Variants in GPM6B observed in about 807,000 individuals in gnomAD.
GPM6B encodes the protein glycoprotein M6B, also known as neuronal membrane glycoprotein M6-b.
A neutral mutation model predicts 27.2 loss-of-function variants in GPM6B; 4 were observed. The ratio of observed to expected loss-of-function variants is 0.15; its 90% CI spans 0.07 to 0.34. The LOEUF (loss-of-function observed/expected upper bound fraction) is 0.34. Ranked by LOEUF, GPM6B falls within the 10% of genes least tolerant of loss-of-function variation. The pLI, the probability that GPM6B is intolerant of heterozygous loss-of-function variation, is 1.00. For missense variants in GPM6B, 183 were observed against 261.9 expected (o/e 0.70, Z 2.08); for synonymous variants, 124 against 103.1 (o/e 1.20, Z -1.23).
chrX:13,906,857 G>C (rs1305158290), intron 1 of GPM6B, among the ~76,000 whole-genome samples: 1 of 111,673 alleles, frequency 9.0e-6, no homozygotes, highest in Non-Finnish European at 1.9e-5. Context: ...AATCTCAACA[G>C]ATCCCTCTTT....
intron 1 of GPM6B, among the ~76,000 whole-genome samples, chrX:13,809,296 C>T (rs1050333277): frequency 8.9e-6 from 1 of 112,077 alleles, no homozygotes; most frequent in African/African-American, 3.3e-5. Flanking sequence ...CCTACTGTGA[C>T]CTCTGCATGT....
rs1445082828 is a variant in GPM6B, at chrX:13,783,179, A to C, written c.525+186T>G. 7.1e-5 allele frequency among the ~76,000 whole-genome samples: 8 copies of C among 112,535 alleles called. No individual in the cohort carries two copies. In the East Asian group the frequency reaches 2.2e-3, roughly 31 times the overall value. On this transcript the variant is annotated intron_variant, in intron 4 of 7. Coordinates refer to ENST00000316715, the MANE Select transcript of GPM6B (RefSeq NM_001001995.3). ...TTTATTTCTGCCAGCCATAGACTTT[A>C]GTTTACTATCAATAGCATGTTGAAG...
At chrX:13,794,279 G>C (rs781713959) in intron 2 of GPM6B, among the ~76,000 whole-genome samples, 3 of 110,400 alleles carry the variant, frequency 2.7e-5, no homozygotes, top group African/African-American at 9.9e-5. Context: ...CTGCCTCCTG[G>C]GCTCAAGCCA....
chrX:13,846,911 C>T (rs192782305), intron 1 of GPM6B, among the ~76,000 whole-genome samples: 5 of 106,927 alleles, frequency 4.7e-5, no homozygotes, highest in African/African-American at 1.4e-4. Flanking sequence ...GGAATCACTT[C>T]TTGGCCTCGT....
At chrX:13,883,784 G>A (rs185958395) in intron 1 of GPM6B, among the ~76,000 whole-genome samples, 3 of 110,963 alleles carry the variant, frequency 2.7e-5, no homozygotes, top group African/African-American at 3.3e-5. Flanking sequence ...GGAGTCTGAG[G>A]CTGCAGTGAG....
intron 2 of GPM6B, among the ~76,000 whole-genome samples, chrX:13,796,797 T>C (rs1363578358): frequency 2.7e-5 from 3 of 112,647 alleles, no homozygotes; most frequent in Non-Finnish European, 5.6e-5. Flanking sequence ...AATATGGTAC[T>C]AGCAGAAGAT....
chrX:13,912,411 C>CT (rs1318830730), intron 1 of GPM6B, among the ~76,000 whole-genome samples: 1 of 111,606 alleles, frequency 9.0e-6, no homozygotes, highest in African/African-American at 3.3e-5. Flanking sequence ...TAAAACCCAA[C>CT]TGCAGAAACT....
chrX:13,909,120 C>CT (rs368081524), intron 1 of GPM6B, among the ~76,000 whole-genome samples: 1,920 of 69,707 alleles, frequency 0.028, 55 homozygotes, highest in African/African-American at 0.058. Context: ...TGTTCATATC[C>CT]TTTTTTTTTT....
chrX:13,880,833 C>A (rs181460378), intron 1 of GPM6B, among the ~76,000 whole-genome samples: 121 of 110,527 alleles, frequency 1.1e-3, no homozygotes, highest in Non-Finnish European at 2.1e-3. Flanking sequence ...ATCTTTACCC[C>A]CTTCTTACAC....
Position 13,843,011 on chromosome X carries a change from T to A in GPM6B, c.-197-57203A>T, listed in dbSNP as rs140988492. Among the ~76,000 whole-genome samples, 773 of 111,542 alleles carry A rather than the reference T, an allele frequency of 6.9e-3. 8 individuals carry two copies. Among genetic ancestry groups the A allele is most frequent in the Middle Eastern group, 0.014 (3 of 217 alleles). On this transcript the variant is annotated intron_variant, in intron 1 of 6. Coordinates refer to the GPM6B transcript ENST00000398361. ...CCCCTTTCCACTTGTTCAAAATATATGATCGCAACTGTTAACACGATCTAA... is the reference window on the plus strand; with the variant it reads ...CCCCTTTCCACTTGTTCAAAATATAAGATCGCAACTGTTAACACGATCTAA...
chrX:13,862,839 A>G (rs1445616760), intron 1 of GPM6B, among the ~76,000 whole-genome samples: 2 of 101,332 alleles, frequency 2.0e-5, no homozygotes, highest in Non-Finnish European at 4.0e-5. Flanking sequence ...GGTACATGCC[A>G]CCATGCCCGG....
chrX:13,920,035 AG>A (rs1363961150), intron 1 of GPM6B, among the ~76,000 whole-genome samples: 1 of 110,524 alleles, frequency 9.0e-6, no homozygotes, highest in Non-Finnish European at 1.9e-5. Context: ...AGGCCTAGGC[AG>A]GTGGACCACT....
chrX:13,806,945 G>A (rs1324543596), intron 2 of GPM6B, among the ~76,000 whole-genome samples: 1 of 111,597 alleles, frequency 9.0e-6, no homozygotes, highest in Admixed American at 9.5e-5. Flanking sequence ...GTTGGTTTTG[G>A]GAACGTGGGA....
At chrX:13,794,184 CTCTT>C (rs1373715324) in intron 2 of GPM6B, among the ~76,000 whole-genome samples, 4 of 106,878 alleles carry the variant, frequency 3.7e-5, no homozygotes, top group South Asian at 8.3e-4. Context: ...CTCTCTCTCT[CTCTT>C]TTTTTTTTTT....
At chrX:13,780,660 C>T (rs1296495846) in intron 4 of GPM6B, among the ~76,000 whole-genome samples, 3 of 112,139 alleles carry the variant, frequency 2.7e-5, no homozygotes, top group Non-Finnish European at 5.6e-5. Flanking sequence ...AAAGCAACGG[C>T]TTAGGGAAAA....
chrX:13,872,051 C>A (rs1342638224), intron 1 of GPM6B, among the ~76,000 whole-genome samples: 1 of 111,123 alleles, frequency 9.0e-6, no homozygotes, highest in Non-Finnish European at 1.9e-5. Context: ...GTGGTGCAGC[C>A]TTTAGGCAAG....
chrX:13,846,916 C>T, intron 1 of GPM6B, among the ~76,000 whole-genome samples: 1 of 108,120 alleles, frequency 9.2e-6, no homozygotes, highest in Admixed American at 1.0e-4. Context: ...CACTTCTTGG[C>T]CTCGTCTCAT....
chrX:13,845,390 A>C (rs780172759), intron 1 of GPM6B, among the ~76,000 whole-genome samples: 12 of 111,884 alleles, frequency 1.1e-4, no homozygotes, highest in Non-Finnish European at 2.1e-4. Flanking sequence ...ATCTCACGTA[A>C]TTTTTGTTCA....
chrX:13,818,348 C>G (rs1350019626), upstream of GPM6B, among the ~76,000 whole-genome samples: 2 of 111,182 alleles, frequency 1.8e-5, no homozygotes, highest in African/African-American at 6.6e-5. Context: ...ACCACCCTCT[C>G]CTAAAATCAC....
Sources: allele counts gnomAD v4.1 joint callset (sites outside exome capture counted in the v4.1 genomes callset), GRCh38; gene constraint gnomAD v4.1.1; transcripts MANE v1.5; gene names NCBI Gene and HGNC (gene_info 2026-07-23, HGNC 2026-07-21).